SLCO1B3: variants seen among roughly 807,000 people sequenced by gnomAD.
SLCO1B3 encodes solute carrier organic anion transporter family member 1B3, also known as liver-specific organic anion transporter 2.
In SLCO1B3, 72 loss-of-function variants were observed where a neutral mutation model predicts 71.8. The observed-to-expected ratio is 1.00, with a 90% CI of 0.83 to 1.22. SLCO1B3 has a LOEUF of 1.22. Ranked by LOEUF, SLCO1B3 falls within the 50% of genes most tolerant of loss-of-function variation. The pLI, the probability that SLCO1B3 is intolerant of heterozygous loss-of-function variation, is 0.00. For missense variants in SLCO1B3, 911 were observed against 819.7 expected (o/e 1.11, Z -1.36); for synonymous variants, 298 against 278.4 (o/e 1.07, Z -0.70).
chr12:20,909,959 T>G (rs1048592045), intron 15 of SLCO1B3, among the ~76,000 whole-genome samples: 1 of 152,210 alleles, frequency 6.6e-6, no homozygotes, highest in Admixed American at 6.5e-5. Context: ...ACTGTTTTAT[T>G]CAGAGGTTTT....
Position 20,813,658 on chromosome 12 carries a change from G to A in SLCO1B3, c.-66+20G>A, listed in dbSNP as rs1864143843. The A allele has an allele frequency of 6.6e-6, 1 of 152,152 alleles. No homozygotes were observed. Among genetic ancestry groups the A allele is most frequent in the Non-Finnish European group, 1.5e-5 (1 of 68,016 alleles). The allele number at this position is 152,152 out of a possible 1,614,324, so 9.4% of individuals were successfully genotyped here. On this transcript the variant is annotated intron_variant, in intron 2 of 15. Transcript: ENST00000381545. ...TGCTATGTAAGTTTCCCTCAGGCAT[G>A]AACTACAGTGCTATTGGCCACTAAT... is the stretch of plus-strand genomic sequence containing the variant.
At chr12:20,902,866 C>G (rs1019319000) in intron 15 of SLCO1B3, among the ~76,000 whole-genome samples, 2 of 151,716 alleles carry the variant, frequency 1.3e-5, no homozygotes, top group Admixed American at 6.6e-5. Context: ...ACCAGGAGTT[C>G]GAGACCAGCC....
At chr12:20,886,023 G>T (rs1233760953) in intron 13 of SLCO1B3, among the ~76,000 whole-genome samples, 1 of 152,114 alleles carries the variant, frequency 6.6e-6, no homozygotes, top group Non-Finnish European at 1.5e-5. Flanking sequence ...GAAGTGGGAA[G>T]ATATTTGTGC....
intron 15 of SLCO1B3, among the ~76,000 whole-genome samples, chr12:20,908,372 T>C (rs569121865): frequency 7.9e-5 from 12 of 152,320 alleles, no homozygotes; most frequent in Non-Finnish European, 1.6e-4. Flanking sequence ...ACAAACCAGA[T>C]TGACACATCT....
intron 3 of SLCO1B3, among the ~76,000 whole-genome samples, chr12:20,850,562 G>A (rs866748075): frequency 2.2e-4 from 34 of 152,246 alleles, no homozygotes; most frequent in East Asian, 3.9e-4. Context: ...GAATATAGGC[G>A]TAAGCCACCA....
At chr12:20,897,867 G>A (rs1424207318) in intron 13 of SLCO1B3, among the ~76,000 whole-genome samples, 1 of 152,176 alleles carries the variant, frequency 6.6e-6, no homozygotes, top group Non-Finnish European at 1.5e-5. Flanking sequence ...AAGAGTGAGT[G>A]AATTTCCAAG....
At chr12:20,824,144 ATT>A (rs1240620402) in intron 3 of SLCO1B3, among the ~76,000 whole-genome samples, 1 of 152,228 alleles carries the variant, frequency 6.6e-6, no homozygotes, top group Non-Finnish European at 1.5e-5. Context: ...ATTTTAGTGA[ATT>A]TACTAAATTC....
intron 2 of SLCO1B3, among the ~76,000 whole-genome samples, chr12:20,814,707 G>A (rs949223393): frequency 2.4e-4 from 37 of 151,986 alleles, no homozygotes; most frequent in South Asian, 4.1e-4. Flanking sequence ...TGGCTAACAC[G>A]GTGAAACCCT....
chr12:20,840,998 G>A (rs1052633081), intron 3 of SLCO1B3, among the ~76,000 whole-genome samples: 2 of 152,138 alleles, frequency 1.3e-5, no homozygotes, highest in African/African-American at 4.8e-5. Context: ...ATCAAAAAAG[G>A]GGGTCCTTGA....
chr12:20,901,951 C>A, intron 15 of SLCO1B3: 1 of 423,096 alleles, frequency 2.4e-6, no homozygotes, highest in Admixed American at 3.0e-5. Context: ...CTGGAAGAAA[C>A]AAAAAGCTGC....
At chr12:20,815,407 G>A (rs1435426731) in intron 2 of SLCO1B3, among the ~76,000 whole-genome samples, 3 of 152,008 alleles carry the variant, frequency 2.0e-5, no homozygotes, top group African/African-American at 4.8e-5. Flanking sequence ...ACAATCTAGT[G>A]TGTGGTTTTA....
rs1866489116 is a variant in SLCO1B3 at position 20,916,082 on chromosome 12, GA to G, written c.1950del (p.Lys650AsnfsTer16). 17 of 1,612,890 alleles carry G rather than the reference GA, an allele frequency of 1.1e-5. No individual in the cohort carries two copies. The highest frequency in any genetic ancestry group is 1.4e-5 in the Non-Finnish European group (17 of 1,179,226). ...LYIVFIFAMK[K>X]KFQGKDTKAS... ...ATATTGTTTTCATTTTTGCTATGAA[GA>G]AAAAATTTCAAGGAAAAGATACCAA... is the stretch of plus-strand genomic sequence containing the variant. On this transcript the variant is annotated frameshift_variant, in exon 16 of 16. Transcript: ENST00000381545. LOFTEE classifies it high-confidence loss of function.
chr12:20,875,198 C>A (rs746360624), intron 8 of SLCO1B3, 37 bp from the exon 9 acceptor site: 1 of 1,609,522 alleles, frequency 6.2e-7, no homozygotes, highest in Non-Finnish European at 8.5e-7. Context: ...TATTTCAAAA[C>A]GATTTTTGAC....
At chr12:20,902,317 G>T (rs762422724) in intron 15 of SLCO1B3, 2 of 153,002 alleles carry the variant, frequency 1.3e-5, no homozygotes, top group African/African-American at 4.8e-5. Context: ...TCTCCACTAT[G>T]TCTTCAGTAT....
chr12:20,897,410 CATT>C (rs1158345941), intron 13 of SLCO1B3, among the ~76,000 whole-genome samples: 3 of 152,264 alleles, frequency 2.0e-5, no homozygotes, highest in African/African-American at 7.2e-5. Flanking sequence ...AGTGCTAGCT[CATT>C]GTGTTGGATT....
chr12:20,901,541 T>C, intron 15 of SLCO1B3, 74 bp downstream of exon 15: 1 of 736,544 alleles, frequency 1.4e-6, no homozygotes, highest in East Asian at 2.8e-5. Context: ...ATAGCATTTT[T>C]AGTGTGATCG....
chr12:20,814,555 T>C (rs1864157614), intron 2 of SLCO1B3, among the ~76,000 whole-genome samples: 3 of 152,182 alleles, frequency 2.0e-5, no homozygotes, highest in African/African-American at 7.2e-5. Flanking sequence ...CTGGTATGCT[T>C]ACATTTATAT....
chr12:20,820,661 A>G (rs1054918245), intron 3 of SLCO1B3, among the ~76,000 whole-genome samples: 4 of 152,100 alleles, frequency 2.6e-5, no homozygotes, highest in South Asian at 2.1e-4. Context: ...GCCAGATTCC[A>G]ATTTTTGGAG....
intron 6 of SLCO1B3, among the ~76,000 whole-genome samples, chr12:20,861,987 A>G (rs1044006135): frequency 3.9e-5 from 6 of 152,158 alleles, no homozygotes; most frequent in African/African-American, 1.4e-4. Flanking sequence ...TGTTTAACCA[A>G]ATTAGGAAAC....
Sources: allele counts gnomAD v4.1 joint callset (sites outside exome capture counted in the v4.1 genomes callset), GRCh38; gene constraint gnomAD v4.1.1; transcripts MANE v1.5; gene names NCBI Gene and HGNC (gene_info 2026-07-23, HGNC 2026-07-21).